The following MICAL3 variants were observed in gnomAD, a reference collection of about 807,000 sequenced individuals.
The protein encoded by MICAL3 is [F-actin]-monooxygenase MICAL3.
MICAL3 carries 62 observed loss-of-function variants against 207.4 expected under a neutral mutation model. The ratio of observed to expected loss-of-function variants is 0.30; its 90% CI spans 0.24 to 0.37. MICAL3 has a LOEUF of 0.37. Among genes scored for constraint, MICAL3 ranks in the 10% least tolerant of loss-of-function variants. The pLI is 1.00. For missense variants in MICAL3, 2,368 were observed against 2,635.6 expected (o/e 0.90, Z 2.22); for synonymous variants, 1,077 against 1,069.3 (o/e 1.01, Z -0.14).
At chr22:17,833,360 C>T (rs935479486) in intron 20 of MICAL3, among the ~76,000 whole-genome samples, 4 of 152,202 alleles carry the variant, frequency 2.6e-5, no homozygotes, top group African/African-American at 4.8e-5. Context: ...AGCCATGGCC[C>T]GACCTCTGGC....
intron 19 of MICAL3, among the ~76,000 whole-genome samples, chr22:17,844,705 C>A (rs983366675): frequency 1.3e-5 from 2 of 152,204 alleles, no homozygotes; most frequent in Non-Finnish European, 2.9e-5. Flanking sequence ...GCCTTTGCAT[C>A]CTTGCTGGGG....
intron 30 of MICAL3, 56 bp from the exon 31 acceptor site, chr22:17,791,127 C>A (rs891124457): frequency 5.6e-6 from 9 of 1,603,384 alleles, no homozygotes; most frequent in African/African-American, 1.3e-5. Flanking sequence ...CCACCCCTCA[C>A]CCCCAAATCT....
chr22:17,877,178 T>G lies in MICAL3; in HGVS notation c.2242-5155A>C, dbSNP rs796263176. 2.4e-3 allele frequency among the ~76,000 whole-genome samples: 216 copies of G among 88,920 alleles called. 2 individuals carry two copies. The highest frequency in any genetic ancestry group is 7.1e-3 in the African/African-American group (124 of 17,390). The allele number at this position is 88,920 out of a possible 152,430, so 58.3% of individuals were successfully genotyped here. The stretch of plus-strand genomic sequence containing the variant: ...GGGAGGTTATGGAGGTTAGGGAGGT[T>G]AGGGAAGTTATGGAGGTTAGGGAGG... On this transcript the variant is annotated intron_variant, in intron 16 of 31. Transcript: ENST00000441493.
intron 1 of MICAL3, among the ~76,000 whole-genome samples, chr22:17,936,567 A>G (rs1016803618): frequency 6.6e-6 from 1 of 151,656 alleles, no homozygotes; most frequent in African/African-American, 2.4e-5. Flanking sequence ...TAGAACTTAA[A>G]GTATAATTAA....
chr22:17,944,975 A>G (rs1468250126), intron 1 of MICAL3, among the ~76,000 whole-genome samples: 2 of 151,156 alleles, frequency 1.3e-5, no homozygotes, highest in African/African-American at 2.4e-5. Flanking sequence ...AAATGCCACT[A>G]AATATGAAGT....
intron 1 of MICAL3, chr22:18,020,232 A>G (rs1483225671): frequency 2.0e-5 from 3 of 153,002 alleles, no homozygotes; most frequent in African/African-American, 7.2e-5. Flanking sequence ...GGACACTGGG[A>G]ATATCTTCCA....
At chr22:17,913,464 G>A (rs1449244234) in intron 1 of MICAL3, among the ~76,000 whole-genome samples, 2 of 152,156 alleles carry the variant, frequency 1.3e-5, no homozygotes, top group African/African-American at 4.8e-5. Context: ...CTTCCAATGT[G>A]CTACCAAAAC....
chr22:17,817,220 G>A (rs752288823), intron 26 of MICAL3, 91 bp downstream of exon 26: 81 of 1,423,640 alleles, frequency 5.7e-5, no homozygotes, highest in Non-Finnish European at 7.3e-5. Context: ...GGCGGGGAGC[G>A]TGTGAGTGTG....
chr22:17,902,795 G>T lies in MICAL3; in HGVS notation c.473-48C>A. 1 of 1,194,128 alleles carries T rather than the reference G, an allele frequency of 8.4e-7. No homozygotes were observed. Among genetic ancestry groups the T allele is most frequent in the Non-Finnish European group, 1.2e-6 (1 of 824,758 alleles). The allele number at this position is 1,194,128 out of a possible 1,614,324, so 74.0% of individuals were successfully genotyped here. ...TTGATGGGAACACATGGAGAAGGGG[G>T]TACCCATCCGTGTCGCAGCTCAGGC... On this transcript the variant is annotated intron_variant, in intron 3 of 31. Coordinates refer to ENST00000441493, the MANE Select transcript of MICAL3 (RefSeq NM_015241.3). The surrounding 1 kb of genome is among the most constrained non-coding windows in gnomAD (Gnocchi z 4.5).
intron 1 of MICAL3, among the ~76,000 whole-genome samples, chr22:17,961,447 G>C (rs1934909505): frequency 6.6e-6 from 1 of 152,006 alleles, no homozygotes; most frequent in African/African-American, 2.4e-5. Flanking sequence ...TTCCCCCTCA[G>C]ATCTGACCAG....
intron 16 of MICAL3, among the ~76,000 whole-genome samples, chr22:17,874,306 T>G (rs1928037752): frequency 6.6e-6 from 1 of 152,170 alleles, no homozygotes; most frequent in Non-Finnish European, 1.5e-5. Flanking sequence ...AACTGAGGCT[T>G]GGGACAGACA....
intron 1 of MICAL3, among the ~76,000 whole-genome samples, chr22:17,965,204 G>A (rs76711100): frequency 0.2 from 27,917 of 137,526 alleles, 2,911 homozygotes; most frequent in Middle Eastern, 0.28. Context: ...AAAAAAAAAA[G>A]GAAGGGAACT....
intron 16 of MICAL3, chr22:17,875,591 G>T (rs191406897): frequency 2.1e-5 from 28 of 1,351,906 alleles, no homozygotes; most frequent in Non-Finnish European, 2.4e-5. Context: ...AAAAGTAAAG[G>T]AAATGTTAAA....
chr22:17,958,104 G>T (rs1934720080), intron 1 of MICAL3, among the ~76,000 whole-genome samples: 1 of 151,416 alleles, frequency 6.6e-6, no homozygotes, highest in Non-Finnish European at 1.5e-5. Context: ...TAAACCTGTA[G>T]ATTTTTCTCA....
Position 17,832,814 on chromosome 22 carries a change from C to T in MICAL3, c.2802-707G>A, listed in dbSNP as rs942275624. 8.5e-5 allele frequency among the ~76,000 whole-genome samples: 13 copies of T among 152,136 alleles called. No homozygotes were observed. In the South Asian group the frequency reaches 1.7e-3, roughly 19 times the overall value. ...TCAAGGTCTGTGTGCTGGGGTGGGG[C>T]GACAGATTCCATTTCCTGGCACTCC... On this transcript the variant is annotated intron_variant, in intron 20 of 31. Transcript: ENST00000441493.
rs2061876555 is a variant in MICAL3, at chr22:17,796,353, G to A, written c.5651-5052C>T. Among the ~76,000 whole-genome samples, 1 of 152,230 alleles carries A rather than the reference G, an allele frequency of 6.6e-6. No individual in the cohort carries two copies. Among genetic ancestry groups the A allele is most frequent in the Non-Finnish European group, 1.5e-5 (1 of 68,040 alleles). ...TCAAAAAGCAACAGTACACCACCAG[G>A]GAGTGAGGCCTGTCCAGAGCAGCGC... is the stretch of plus-strand genomic sequence containing the variant. On this transcript the variant is annotated intron_variant, in intron 29 of 31. Transcript: ENST00000441493. This position sits in a 1 kb window ranked among gnomAD's most constrained non-coding sequence, Gnocchi z 4.4.
At chr22:18,023,758 G>A (rs1284452217) in intron 1 of MICAL3, among the ~76,000 whole-genome samples, 2 of 152,226 alleles carry the variant, frequency 1.3e-5, no homozygotes, top group South Asian at 4.1e-4. Context: ...ACCGCGCGCC[G>A]CGGGCGGGTG....
chr22:17,886,414 C>T lies in MICAL3; in HGVS notation c.2068-363G>A, dbSNP rs577196205. ...AGGCATGGTGGCTCACACCTGTAAT[C>T]CCAGGACTTTGGGAGGCCAAGATGG... On this transcript the variant is annotated intron_variant, in intron 15 of 31. Coordinates refer to ENST00000441493, the MANE Select transcript of MICAL3 (RefSeq NM_015241.3). Among the ~76,000 whole-genome samples, 6 of 152,330 alleles carry T rather than the reference C, an allele frequency of 3.9e-5. No individual in the cohort carries two copies. The South Asian group carries it at 1.0e-3, about 26-fold the overall frequency.
rs762244142 is a variant in MICAL3 at position 17,900,555 on chromosome 22, T to C, written c.847+287A>G. On this transcript the variant is annotated intron_variant, in intron 6 of 31. Transcript: ENST00000441493. This position sits in a 1 kb window ranked among gnomAD's most constrained non-coding sequence, Gnocchi z 4.0. Reference sequence around the variant, plus strand: ...AGTTCGAGGCTGCAGTGAGCCGAGATCACGCCACTGAACTCCAGCCTGGGC... The same window carrying C: ...AGTTCGAGGCTGCAGTGAGCCGAGACCACGCCACTGAACTCCAGCCTGGGC... Among the ~76,000 whole-genome samples the C allele has an allele frequency of 3.9e-5, 6 of 152,050 alleles. No homozygotes were observed. Among genetic ancestry groups the C allele is most frequent in the Non-Finnish European group, 7.4e-5 (5 of 68,002 alleles).
Sources: allele counts gnomAD v4.1 joint callset (sites outside exome capture counted in the v4.1 genomes callset), GRCh38; gene constraint gnomAD v4.1.1; non-coding constraint Gnocchi (gnomAD v3.1); transcripts MANE v1.5; gene names NCBI Gene and HGNC (gene_info 2026-07-23, HGNC 2026-07-21).